ZNF512: variants seen among roughly 807,000 people sequenced by gnomAD.
ZNF512 encodes zinc finger protein 512.
Under a neutral mutation model 77.5 loss-of-function variants are expected in ZNF512, and 25 were observed. The ratio of observed to expected loss-of-function variants is 0.32; its 90% CI spans 0.23 to 0.45. The LOEUF (loss-of-function observed/expected upper bound fraction) is 0.45, where lower values mean the gene tolerates loss of function less well. ZNF512 is among the 20% of genes least tolerant of loss of function. The pLI is 1.00. For synonymous variants in ZNF512, 246 were observed against 239.9 expected, an observed-to-expected ratio of 1.03 and a Z score of -0.24; for missense variants, 483 against 692.6, an observed-to-expected ratio of 0.70 and a Z score of 3.40.
intron 8 of ZNF512, 110 bp downstream of exon 8, chr2:27,602,671 A>G (rs531500303): frequency 5.0e-5 from 43 of 858,470 alleles, no homozygotes; most frequent in South Asian, 3.5e-4. Flanking sequence ...GTTCTGTACT[A>G]TCTTGGTCTC....
At chr2:27,593,988 T>C (rs1363154856) in intron 2 of ZNF512, among the ~76,000 whole-genome samples, 1 of 152,240 alleles carries the variant, frequency 6.6e-6, no homozygotes, top group Non-Finnish European at 1.5e-5. Flanking sequence ...CATTTCCCCC[T>C]TTTCTTTTCG....
At chr2:27,589,459 T>C (rs1014779864) in intron 2 of ZNF512, among the ~76,000 whole-genome samples, 3 of 152,202 alleles carry the variant, frequency 2.0e-5, no homozygotes, top group Non-Finnish European at 4.4e-5. Flanking sequence ...ATTTGTGATA[T>C]TGGCTATTTG....
At chr2:27,612,437 T>C (rs1672706543) in intron 10 of ZNF512, among the ~76,000 whole-genome samples, 1 of 152,124 alleles carries the variant, frequency 6.6e-6, no homozygotes, top group African/African-American at 2.4e-5. Flanking sequence ...CTGTGCCTTC[T>C]TGGTGGATAG....
intron 2 of ZNF512, among the ~76,000 whole-genome samples, chr2:27,597,070 A>G (rs897333861): frequency 2.0e-5 from 3 of 152,192 alleles, no homozygotes; most frequent in South Asian, 4.1e-4. Context: ...ATTGCTTCTA[A>G]CAGCAGCACA....
At chr2:27,614,260 T>A (rs1041325305) in intron 10 of ZNF512, among the ~76,000 whole-genome samples, 3 of 152,186 alleles carry the variant, frequency 2.0e-5, no homozygotes, top group African/African-American at 7.2e-5. Flanking sequence ...GCAAGAACTG[T>A]CTGTGCAGGT....
rs1673173978 is a variant in ZNF512 at position 27,622,755 on chromosome 2, C to T, written c.*1294C>T. 6.5e-6 allele frequency: 1 copy of T among 152,726 alleles called. No homozygotes were observed. Among genetic ancestry groups the T allele is most frequent in the African/African-American group, 2.4e-5 (1 of 41,434 alleles). The allele number at this position is 152,726 out of a possible 1,614,324, so 9.5% of individuals were successfully genotyped here. ...GGCATATGCCACATAAAAAATGAAC[C>T]TGATATAGACAAGTACTACCTTTTC... On this transcript the variant is annotated 3_prime_UTR_variant, in exon 14 of 14. Transcript: ENST00000355467.
intron 10 of ZNF512, among the ~76,000 whole-genome samples, chr2:27,613,764 T>G (rs1672765287): frequency 6.6e-6 from 1 of 152,098 alleles, no homozygotes; most frequent in South Asian, 2.1e-4. Flanking sequence ...GTCAACTGTG[T>G]AACCTGGAAA....
intron 9 of ZNF512, among the ~76,000 whole-genome samples, chr2:27,603,607 T>C (rs1324467810): frequency 1.4e-5 from 2 of 146,702 alleles, no homozygotes; most frequent in Admixed American, 1.4e-4. Context: ...TTTTTTTTTT[T>C]CTTCAAGAGA....
At chr2:27,603,968 C>G (rs954709221) in intron 9 of ZNF512, among the ~76,000 whole-genome samples, 1 of 151,758 alleles carries the variant, frequency 6.6e-6, no homozygotes, top group African/African-American at 2.4e-5. Flanking sequence ...CCTCTGTTGC[C>G]CAGGCTGGAG....
intron 11 of ZNF512, among the ~76,000 whole-genome samples, chr2:27,615,733 G>C (rs762169876): frequency 4.6e-5 from 7 of 152,144 alleles, no homozygotes; most frequent in African/African-American, 1.7e-4. Context: ...AGGAATCATG[G>C]GACTAACCCA....
chr2:27,621,311 G>T lies in ZNF512; in HGVS notation c.1554G>T (p.Glu518Asp). The part of the protein sequence containing the change: ...QQPGIELPET[E>D]LSLRVGKDQR... ...CTGGCATTGAGCTTCCCGAGACAGA[G>T]CTGAGTCTTAGAGTAGGGAAGGATC... The change falls in exon 14 of 14, where the codon GAG (glutamate) becomes GAT (aspartate). Residue 518 changes from glutamate (E) to aspartate (D), a missense_variant. Glu to Asp is a conservative substitution (Grantham distance 45). Transcript: ENST00000355467. 6.2e-7 allele frequency: 1 copy of T among 1,614,186 alleles called. No homozygotes were observed. The highest frequency in any genetic ancestry group is 8.5e-7 in the Non-Finnish European group (1 of 1,180,024).
At chr2:27,621,077 T>G in intron 13 of ZNF512, 76 bp from the exon 14 acceptor site, 3 of 1,524,686 alleles carry the variant, frequency 2.0e-6, no homozygotes, top group Non-Finnish European at 2.6e-6. Flanking sequence ...ATGCCTTTTT[T>G]CCATTCTTCC....
intron 10 of ZNF512, among the ~76,000 whole-genome samples, chr2:27,609,059 A>G (rs1253161143): frequency 6.6e-6 from 1 of 151,538 alleles, no homozygotes; most frequent in African/African-American, 2.4e-5. Context: ...CAGTGAGCCA[A>G]GATTGGACCA....
chr2:27,604,965 A>C (rs1380683204), intron 9 of ZNF512, among the ~76,000 whole-genome samples: 1 of 151,880 alleles, frequency 6.6e-6, no homozygotes, highest in African/African-American at 2.4e-5. Flanking sequence ...TTTCAGTCTG[A>C]CTTCTTTCAT....
At chr2:27,615,324 C>T in intron 11 of ZNF512, 55 bp downstream of exon 11, 1 of 1,178,732 alleles carries the variant, frequency 8.5e-7, no homozygotes, top group East Asian at 2.6e-5. Context: ...TCTGCTCTTG[C>T]TTCTGTTATT....
intron 9 of ZNF512, among the ~76,000 whole-genome samples, chr2:27,604,205 G>A (rs1030072101): frequency 6.6e-6 from 1 of 152,176 alleles, no homozygotes; most frequent in African/African-American, 2.4e-5. Context: ...GGGATTATAG[G>A]CGTGAGCCAC....
Position 27,598,250 on chromosome 2 carries a change from C to T in ZNF512, c.273C>T (p.Val91=), listed in dbSNP as rs369976994. Residue 91 remains valine (V), a synonymous_variant, in exon 3 of 14, where the codon GTC becomes GTT. Coordinates refer to ENST00000355467, the MANE Select transcript of ZNF512 (RefSeq NM_032434.4). ...TCAAGCCAGCTGCTACTTCTCATGTCGAAGGTATCAATATCAGTGTCTTAT... is the reference window on the plus strand; with the variant it reads ...TCAAGCCAGCTGCTACTTCTCATGTTGAAGGTATCAATATCAGTGTCTTAT... The part of the protein sequence containing the change: ...RRIKPAATSH[V]EGSGGVSAKG... 23 of 1,611,570 alleles carry T rather than the reference C, an allele frequency of 1.4e-5. No individual in the cohort carries two copies. Among genetic ancestry groups the T allele is most frequent in the South Asian group, 1.1e-5 (1 of 91,062 alleles).
chr2:27,619,799 C>G (rs1333145494), intron 13 of ZNF512, among the ~76,000 whole-genome samples: 19 of 152,094 alleles, frequency 1.2e-4, no homozygotes, highest in Admixed American at 1.1e-3. Context: ...AAAGCAAATT[C>G]CACATAAAAT....
chr2:27,610,544 G>GTGTGTGTA (rs1413007886), intron 10 of ZNF512, among the ~76,000 whole-genome samples: 13 of 32,656 alleles, frequency 4.0e-4, no homozygotes, highest in African/African-American at 1.0e-3. Context: ...ATATGTGTGT[G>GTGTGTGTA]TATATATATA....
Sources: allele counts gnomAD v4.1 joint callset (sites outside exome capture counted in the v4.1 genomes callset), GRCh38; gene constraint gnomAD v4.1.1; transcripts MANE v1.5; gene names NCBI Gene and HGNC (gene_info 2026-07-23, HGNC 2026-07-21).